SRGAP1: variants seen among roughly 807,000 people sequenced by gnomAD.
SRGAP1 encodes SLIT-ROBO Rho GTPase-activating protein 1.
Under a neutral mutation model 121.9 loss-of-function variants are expected in SRGAP1, and 43 were observed. The ratio of observed to expected loss-of-function variants is 0.35; its 90% CI spans 0.28 to 0.46. The LOEUF is 0.46. Among genes scored for constraint, SRGAP1 ranks in the 20% least tolerant of loss-of-function variants. The pLI, the probability that SRGAP1 is intolerant of heterozygous loss-of-function variation, is 1.00. For synonymous variants in SRGAP1, 447 were observed against 485.4 expected, an observed-to-expected ratio of 0.92 and a Z score of 1.04; for missense variants, 1,102 against 1,350.9, an observed-to-expected ratio of 0.82 and a Z score of 2.89.
chr12:64,057,287 A>G (rs973726283), intron 6 of SRGAP1, among the ~76,000 whole-genome samples: 2 of 152,184 alleles, frequency 1.3e-5, no homozygotes, highest in African/African-American at 4.8e-5. Flanking sequence ...TCTTAAAACA[A>G]CAAGAAGAGT....
intron 1 of SRGAP1, among the ~76,000 whole-genome samples, chr12:63,982,136 G>A (rs1251763045): frequency 1.3e-5 from 2 of 151,946 alleles, no homozygotes; most frequent in Non-Finnish European, 1.5e-5. Flanking sequence ...GCGTGGACCC[G>A]GGAGGCGGAG....
intron 3 of SRGAP1, among the ~76,000 whole-genome samples, chr12:64,000,701 C>A (rs2033863169): frequency 1.3e-5 from 2 of 152,126 alleles, no homozygotes; most frequent in Non-Finnish European, 2.9e-5. Context: ...ATTGATTGAT[C>A]CAAGACTCTG....
At chr12:63,896,628 C>T (rs1170664588) in intron 1 of SRGAP1, among the ~76,000 whole-genome samples, 2 of 152,160 alleles carry the variant, frequency 1.3e-5, no homozygotes, top group Non-Finnish European at 2.9e-5. Flanking sequence ...TAGCCAGTTA[C>T]AATCATGTGG....
chr12:64,043,960 C>T (rs1205345335), intron 6 of SRGAP1, among the ~76,000 whole-genome samples: 1 of 152,162 alleles, frequency 6.6e-6, no homozygotes, highest in African/African-American at 2.4e-5. Flanking sequence ...AAGCCATATG[C>T]AGCCCTTACC....
chr12:64,113,544 G>T (rs1298826752), intron 17 of SRGAP1, among the ~76,000 whole-genome samples: 1 of 152,112 alleles, frequency 6.6e-6, no homozygotes, highest in African/African-American at 2.4e-5. Flanking sequence ...AATTGTTTGA[G>T]GTGATGGATA....
chr12:63,941,695 C>T (rs1049224867), intron 1 of SRGAP1, among the ~76,000 whole-genome samples: 1 of 150,526 alleles, frequency 6.6e-6, no homozygotes, highest in Non-Finnish European at 1.5e-5. Flanking sequence ...AAAAAAAGGA[C>T]TTGATCCTTT....
At chr12:64,097,678 T>C (rs1037476119) in intron 15 of SRGAP1, 2 of 255,860 alleles carry the variant, frequency 7.8e-6, no homozygotes, top group African/African-American at 4.4e-5. Flanking sequence ...AGGAGGAAGT[T>C]GTAAGCTGGG....
intron 1 of SRGAP1, among the ~76,000 whole-genome samples, chr12:63,957,742 C>G (rs1298564879): frequency 2.0e-5 from 3 of 152,150 alleles, no homozygotes; most frequent in Non-Finnish European, 4.4e-5. Context: ...GTCTGCTTGT[C>G]TTGGTTACTT....
At chr12:64,041,909 T>TATTATTA (rs1451718163) in intron 4 of SRGAP1, among the ~76,000 whole-genome samples, 3 of 129,828 alleles carry the variant, frequency 2.3e-5, no homozygotes, top group South Asian at 5.4e-4. Flanking sequence ...TTATTATTAT[T>TATTATTA]ATTATTTGAG....
intron 15 of SRGAP1, among the ~76,000 whole-genome samples, chr12:64,101,855 T>C (rs1036260887): frequency 6.6e-6 from 1 of 152,200 alleles, no homozygotes; most frequent in Admixed American, 6.5e-5. Flanking sequence ...TTAGGTGTTA[T>C]TATTTAGGTG....
At chr12:63,856,084 G>A (rs1050160578) in intron 1 of SRGAP1, among the ~76,000 whole-genome samples, 4 of 151,630 alleles carry the variant, frequency 2.6e-5, no homozygotes, top group South Asian at 2.1e-4. Flanking sequence ...ATGGCGAAAC[G>A]CCATCTCTAC....
intron 1 of SRGAP1, among the ~76,000 whole-genome samples, chr12:63,980,303 C>T (rs1565979843): frequency 6.6e-6 from 1 of 152,184 alleles, no homozygotes; most frequent in Non-Finnish European, 1.5e-5. Flanking sequence ...ATCTACCTGC[C>T]TTGGCCTCCC....
Position 64,063,134 on chromosome 12 carries a change from A to T in SRGAP1, c.1019A>T (p.Asp340Val). Residue 340 changes from aspartate to valine, a missense_variant, in exon 7 of 22, where the codon GAT becomes GTT. Physicochemically the swap from Asp to Val is radical, Grantham distance 152 (BLOSUM62 -3). Transcript: ENST00000355086. ...MKFEFQSHMG[D>V]EVCQVSAQQP... The stretch of plus-strand genomic sequence containing the variant: ...TTTGAGTTTCAGTCTCACATGGGTG[A>T]TGAGGTCAGTAATTGATCATTTTTA... 2.5e-6 allele frequency: 4 copies of T among 1,611,418 alleles called. No homozygotes were observed. The highest frequency in any genetic ancestry group is 3.4e-6 in the Non-Finnish European group (4 of 1,177,694).
chr12:63,969,616 A>T (rs1055269932), intron 1 of SRGAP1, among the ~76,000 whole-genome samples: 7 of 151,980 alleles, frequency 4.6e-5, no homozygotes, highest in African/African-American at 1.7e-4. Flanking sequence ...ACACAGTGAA[A>T]CCCCGTCTCT....
intron 16 of SRGAP1, 109 bp from the exon 17 acceptor site, chr12:64,111,653 C>T (rs768449323): frequency 3.1e-6 from 3 of 975,512 alleles, no homozygotes; most frequent in Admixed American, 6.1e-5. Context: ...GCTGAGCCAA[C>T]TTAAAGTTGA....
chr12:64,133,199 A>G (rs2036811880), intron 21 of SRGAP1, among the ~76,000 whole-genome samples: 1 of 152,148 alleles, frequency 6.6e-6, no homozygotes, highest in Non-Finnish European at 1.5e-5. Context: ...GGGATGCAAT[A>G]TTGTTTTTAA....
At chr12:64,086,967 C>T (rs2035956675) in intron 10 of SRGAP1, 32 bp from the exon 11 acceptor site, 1 of 1,560,306 alleles carries the variant, frequency 6.4e-7, no homozygotes, top group Non-Finnish European at 8.8e-7. Flanking sequence ...TGATTCCTTT[C>T]AGTTTACTTA....
chr12:64,072,864 G>T (rs2035668021), intron 8 of SRGAP1, among the ~76,000 whole-genome samples: 1 of 152,188 alleles, frequency 6.6e-6, no homozygotes, highest in African/African-American at 2.4e-5. Flanking sequence ...AACAAAGCCA[G>T]TCCACAAAAG....
At chr12:63,919,521 T>TATATATATATATATATATATATATAC (rs1491241907) in intron 1 of SRGAP1, among the ~76,000 whole-genome samples, 3 of 139,132 alleles carry the variant, frequency 2.2e-5, no homozygotes, top group African/African-American at 8.4e-5. Flanking sequence ...TATATATATA[T>TATATATATATATATATATATATATAC]ACACATACAC....
Sources: gnomAD v4.1 joint callset for allele counts (sites outside exome capture counted in the v4.1 genomes callset) on GRCh38, gnomAD v4.1.1 for gene constraint, MANE v1.5 for transcripts, NCBI Gene and HGNC (gene_info 2026-07-23, HGNC 2026-07-21) for gene names.